The following CYSLTR2 variants were observed in gnomAD, a reference collection of about 807,000 sequenced individuals.
The protein encoded by CYSLTR2 is cysteinyl leukotriene receptor 2.
For missense variants in CYSLTR2, 398 were observed against 411.9 expected (o/e 0.97, Z 0.29); for synonymous variants, 179 against 160.8 (o/e 1.11, Z -0.86).
chr13:48,666,822 T>C (rs1028679608), intron 1 of CYSLTR2, among the ~76,000 whole-genome samples: 1 of 152,210 alleles, frequency 6.6e-6, no homozygotes, highest in Non-Finnish European at 1.5e-5. Context: ...TTCATTGAAT[T>C]GTCTATCTGT....
intron 4 of CYSLTR2, among the ~76,000 whole-genome samples, chr13:48,698,129 T>C (rs1954243991): frequency 6.6e-6 from 1 of 152,178 alleles, no homozygotes; most frequent in South Asian, 2.1e-4. Flanking sequence ...TTCCCCAACC[T>C]AGCGAGGCAG....
chr13:48,688,419 G>A (rs1401366401), intron 1 of CYSLTR2, among the ~76,000 whole-genome samples: 1 of 152,038 alleles, frequency 6.6e-6, no homozygotes, highest in East Asian at 1.9e-4. Context: ...CCACCCACTG[G>A]CCAATAGGCC....
chr13:48,679,404 T>C (rs760115659), intron 1 of CYSLTR2, among the ~76,000 whole-genome samples: 15 of 152,154 alleles, frequency 9.9e-5, no homozygotes, highest in Non-Finnish European at 1.8e-4. Context: ...AGATTATGTT[T>C]TCTTCACTGT....
chr13:48,672,625 T>C (rs1388206798), intron 1 of CYSLTR2, among the ~76,000 whole-genome samples: 5 of 147,912 alleles, frequency 3.4e-5, no homozygotes, highest in Non-Finnish European at 7.5e-5. Flanking sequence ...TCTTTTTTTT[T>C]TTTTTTTTTT....
Position 48,707,126 on chromosome 13 carries a change from T to C in CYSLTR2, c.309T>C (p.Asn103=), listed in dbSNP as rs751422795. The part of the protein sequence containing the change: ...FRADYYLRGS[N]WIFGDLACRI... ...CTGACTATTATCTTAGAGGCTCCAA[T>C]TGGATATTTGGAGACCTGGCCTGCA... Residue 103 remains asparagine (N), a synonymous_variant, in exon 5 of 5, where the codon AAT becomes AAC. Coordinates refer to ENST00000682523, the MANE Select transcript of CYSLTR2 (RefSeq NM_001308476.3). The C allele has an allele frequency of 1.2e-5, 20 of 1,614,040 alleles. No individual in the cohort carries two copies. The African/African-American group carries it at 1.7e-4, about 14-fold the overall frequency.
At chr13:48,669,305 T>C (rs1325435619) in intron 1 of CYSLTR2, among the ~76,000 whole-genome samples, 1 of 151,894 alleles carries the variant, frequency 6.6e-6, no homozygotes, top group Non-Finnish European at 1.5e-5. Context: ...TAATTTAAGT[T>C]CAGGGATACA....
chr13:48,705,034 A>G (rs1192531958), intron 4 of CYSLTR2, among the ~76,000 whole-genome samples: 2 of 152,102 alleles, frequency 1.3e-5, no homozygotes, highest in Non-Finnish European at 2.9e-5. Context: ...TTGCTGAGAG[A>G]GGTCCTTGAA....
intron 1 of CYSLTR2, among the ~76,000 whole-genome samples, chr13:48,664,678 T>G (rs1953216255): frequency 6.6e-6 from 1 of 151,962 alleles, no homozygotes. Flanking sequence ...GATGTGATGT[T>G]TCCTTTTTCA....
At chr13:48,681,052 C>T (rs1953742343) in intron 1 of CYSLTR2, among the ~76,000 whole-genome samples, 1 of 151,988 alleles carries the variant, frequency 6.6e-6, no homozygotes, top group Non-Finnish European at 1.5e-5. Context: ...AAGATGCTCT[C>T]AGTATCAATG....
At chr13:48,682,521 C>T (rs929762912) in intron 1 of CYSLTR2, among the ~76,000 whole-genome samples, 4 of 152,098 alleles carry the variant, frequency 2.6e-5, no homozygotes, top group African/African-American at 9.7e-5. Context: ...AAGCTAGGAA[C>T]CTCAGATTTG....
intron 4 of CYSLTR2, among the ~76,000 whole-genome samples, chr13:48,702,950 T>A (rs1165161619): frequency 6.6e-6 from 1 of 152,218 alleles, no homozygotes; most frequent in African/African-American, 2.4e-5. Context: ...TCTTTAAAAC[T>A]TTGATTTCTT....
At position 48,687,290 on chromosome 13, in the gene CYSLTR2, C is replaced by T. The variant is rs936945773; in HGVS notation, c.-265-3922C>T. On this transcript the variant is annotated intron_variant, in intron 1 of 4. Transcript: ENST00000682523. ...ACGGCCTGTTGTGGGACTTCTCAGC[C>T]TCCATAACTGTGTGAGCCAATTCCC... Among the ~76,000 whole-genome samples, 5 of 152,032 alleles carry T rather than the reference C, an allele frequency of 3.3e-5. No homozygotes were observed. The East Asian group carries it at 9.6e-4, about 29-fold the overall frequency.
chr13:48,665,020 T>C (rs937278259), intron 1 of CYSLTR2, among the ~76,000 whole-genome samples: 1 of 152,094 alleles, frequency 6.6e-6, no homozygotes, highest in Non-Finnish European at 1.5e-5. Context: ...TCTATTTTAG[T>C]TTGTTTCAAG....
intron 2 of CYSLTR2, among the ~76,000 whole-genome samples, chr13:48,692,565 G>A (rs1460527999): frequency 2.0e-5 from 3 of 151,184 alleles, no homozygotes; most frequent in East Asian, 3.9e-4. Context: ...TAATATGTAT[G>A]TCAAAATAAA....
At chr13:48,654,304 TGA>T (rs752008097) in intron 1 of CYSLTR2, among the ~76,000 whole-genome samples, 491 of 46,544 alleles carry the variant, frequency 0.011, 1 homozygote, top group Non-Finnish European at 0.012. Context: ...TGTGTGTGTG[TGA>T]GTGTGTGTGT....
chr13:48,658,002 A>T (rs1000050751), intron 1 of CYSLTR2, among the ~76,000 whole-genome samples: 6 of 152,130 alleles, frequency 3.9e-5, no homozygotes, highest in African/African-American at 9.7e-5. Context: ...TACCTTAAAA[A>T]TAAGGTAAAT....
intron 1 of CYSLTR2, among the ~76,000 whole-genome samples, chr13:48,687,400 G>A (rs1196857381): frequency 6.7e-6 from 1 of 149,858 alleles, no homozygotes; most frequent in Admixed American, 6.7e-5. Context: ...GATGATAATT[G>A]GTAGATTATC....
At chr13:48,684,811 T>G (rs948000268) in intron 1 of CYSLTR2, among the ~76,000 whole-genome samples, 2 of 152,104 alleles carry the variant, frequency 1.3e-5, no homozygotes, top group Non-Finnish European at 2.9e-5. Flanking sequence ...AAGCCCAATA[T>G]GACTAGTGTC....
chr13:48,684,913 T>C lies in CYSLTR2; in HGVS notation c.-265-6299T>C, dbSNP rs186327755. ...GCCAATAATGACAGAGTCAAGAGAT[T>C]GGAGTCACATTCTGTAAGGCAAGAA... On this transcript the variant is annotated intron_variant, in intron 1 of 4. Coordinates refer to ENST00000682523, the MANE Select transcript of CYSLTR2 (RefSeq NM_001308476.3). 2.9e-4 allele frequency among the ~76,000 whole-genome samples: 44 copies of C among 152,150 alleles called. No individual in the cohort carries two copies. In the Middle Eastern group the frequency reaches 0.01, roughly 35 times the overall value.
Sources: gnomAD v4.1 joint callset for allele counts (sites outside exome capture counted in the v4.1 genomes callset) on GRCh38, gnomAD v4.1.1 for gene constraint, MANE v1.5 for transcripts, NCBI Gene and HGNC (gene_info 2026-07-23, HGNC 2026-07-21) for gene names.